Variants in ZFHX3 observed in about 807,000 individuals in gnomAD.
ZFHX3 encodes zinc finger homeobox 3.
In ZFHX3, 42 loss-of-function variants were observed where a neutral mutation model predicts 279.1. That is an observed-to-expected ratio of 0.15 (90% CI 0.12 to 0.19). The LOEUF is 0.19. Ranked by LOEUF, ZFHX3 falls within the 10% of genes least tolerant of loss-of-function variation. The pLI, the probability that ZFHX3 is intolerant of heterozygous loss-of-function variation, is 1.00. For synonymous variants in ZFHX3, 2,293 were observed against 1,957.8 expected (o/e 1.17, Z -4.52); for missense variants, 4,981 against 4,754.0 (o/e 1.05, Z -1.40).
intron 2 of ZFHX3, among the ~76,000 whole-genome samples, chr16:73,606,274 G>A (rs1167329147): frequency 1.3e-5 from 2 of 150,332 alleles, no homozygotes; most frequent in East Asian, 2.0e-4. Flanking sequence ...TTAGGAGGCC[G>A]AGGTGGGCAG....
At chr16:73,253,591 A>G (rs1473929045) in intron 5 of ZFHX3, among the ~76,000 whole-genome samples, 1 of 149,916 alleles carries the variant, frequency 6.7e-6, no homozygotes, top group African/African-American at 2.5e-5. Context: ...AGCAGGGACT[A>G]CAGGCGCCTG....
chr16:73,784,016 G>T (rs748674786), intron 1 of ZFHX3, among the ~76,000 whole-genome samples: 6 of 152,094 alleles, frequency 3.9e-5, no homozygotes, highest in Non-Finnish European at 7.3e-5. Flanking sequence ...AGCAAGAAAG[G>T]ATGTTCTCTA....
Position 73,524,407 on chromosome 16 carries a change from A to T in ZFHX3, c.-1546-68149T>A, listed in dbSNP as rs115213608. On this transcript the variant is annotated intron_variant, in intron 2 of 17. Coordinates refer to the ZFHX3 transcript ENST00000641206. ...GGAGGCATCGTAAAACATCAACTGA[A>T]GTCTTGCGGCCTTTCCATGACAACA... Among the ~76,000 whole-genome samples the T allele has an allele frequency of 7.0e-3, 1,067 of 152,280 alleles. 13 individuals are homozygous for T. Among genetic ancestry groups the T allele is most frequent in the African/African-American group, 0.024 (1,014 of 41,548 alleles).
chr16:72,958,245 C>G lies in ZFHX3; in HGVS notation c.1901G>C (p.Cys634Ser). The change falls in exon 2 of 10, where the codon TGC (cysteine) becomes TCC (serine). Residue 634 changes from cysteine (C) to serine (S), a missense_variant. Cys to Ser is a moderately radical substitution (Grantham distance 112, BLOSUM62 -1). Around this residue, in one of 7 missense-constraint regions of ZFHX3, gnomAD observed 1,068 missense variants for 935.2 expected, o/e 1.14. Coordinates refer to ENST00000268489, the MANE Select transcript of ZFHX3 (RefSeq NM_006885.4). ...GCACTCCACGCCACTCCCCGAGGGG[C>G]ACTCCCCAACCCCAAGCTCGCAGAG... The part of the protein sequence containing the change: ...GSLCELGVGE[C>S]PSGSGVECPK... The G allele has an allele frequency of 1.2e-6, 2 of 1,613,178 alleles. No individual in the cohort carries two copies. The highest frequency in any genetic ancestry group is 1.7e-6 in the Non-Finnish European group (2 of 1,179,166).
Position 72,795,577 on chromosome 16 carries a change from T to C in ZFHX3, c.7105A>G (p.Met2369Val), listed in dbSNP as rs1311505706. 6 of 1,613,988 alleles carry C rather than the reference T, an allele frequency of 3.7e-6. No individual in the cohort carries two copies. The highest frequency in any genetic ancestry group is 1.3e-5 in the African/African-American group (1 of 74,898). The change falls in exon 9 of 10, where the codon ATG (methionine) becomes GTG (valine). Residue 2369 changes from methionine (M) to valine (V), a missense_variant. Around this residue, in one of 7 missense-constraint regions of ZFHX3, gnomAD observed 744 missense variants for 701.3 expected, o/e 1.06. Coordinates refer to ENST00000268489, the MANE Select transcript of ZFHX3 (RefSeq NM_006885.4). ...GQDDSQNEDS[M>V]DAMEILTPTS... ...GGCGTCAGGATTTCCATGGCATCCA[T>C]GGAATCCTCATTTTGGCTGTCGTCC...
At chr16:73,679,369 T>C (rs977445924) in intron 2 of ZFHX3, 4 of 152,174 alleles carry the variant, frequency 2.6e-5, no homozygotes, top group African/African-American at 9.7e-5. Flanking sequence ...GAAAGATGTT[T>C]TTGCTAGACA....
chr16:72,995,537 C>T lies in ZFHX3; in HGVS notation c.-49-35343G>A, dbSNP rs188504008. 3.9e-5 allele frequency among the ~76,000 whole-genome samples: 6 copies of T among 152,312 alleles called. No individual in the cohort carries two copies. In the East Asian group the frequency reaches 5.8e-4, roughly 15 times the overall value. On this transcript the variant is annotated intron_variant, in intron 1 of 9. Coordinates refer to ENST00000268489, the MANE Select transcript of ZFHX3 (RefSeq NM_006885.4). ...CCTCCGATCACAACTACAACTACAG[C>T]GGTCATATTGCTCTCCCCAAGACCA...
intron 3 of ZFHX3, among the ~76,000 whole-genome samples, 177 bp downstream of exon 3, chr16:72,950,292 T>A (rs1215567739): frequency 1.3e-5 from 2 of 152,092 alleles, no homozygotes; most frequent in African/African-American, 4.8e-5. Flanking sequence ...CTGTCACGTT[T>A]CCACCTGGTG....
At chr16:73,819,129 A>G (rs976348474) in intron 1 of ZFHX3, among the ~76,000 whole-genome samples, 3 of 152,030 alleles carry the variant, frequency 2.0e-5, no homozygotes, top group Admixed American at 1.3e-4. Flanking sequence ...TCAATTACCA[A>G]TGGCATAGCA....
chr16:73,419,923 T>C (rs923790056), intron 3 of ZFHX3, among the ~76,000 whole-genome samples: 2 of 150,688 alleles, frequency 1.3e-5, no homozygotes, highest in Middle Eastern at 6.8e-3. Flanking sequence ...TTTTTTTTTC[T>C]GGAGACAGGG....
At chr16:73,843,944 C>A (rs1347739132) in intron 1 of ZFHX3, among the ~76,000 whole-genome samples, 2 of 152,152 alleles carry the variant, frequency 1.3e-5, no homozygotes, top group Non-Finnish European at 2.9e-5. Context: ...ACAAAATATT[C>A]TTTCAATTCT....
chr16:73,456,242 C>T (rs917886170), exon 3 of ZFHX3: 5 of 152,254 alleles, frequency 3.3e-5, no homozygotes, highest in African/African-American at 1.2e-4. Flanking sequence ...TATACTTGTT[C>T]CTTGTTCTCC....
chr16:73,539,600 A>G (rs1477065414), intron 2 of ZFHX3, among the ~76,000 whole-genome samples: 1 of 152,068 alleles, frequency 6.6e-6, no homozygotes, highest in East Asian at 1.9e-4. Context: ...ATATCAAAAG[A>G]GGGAACTTTT....
At chr16:73,588,531 A>T (rs545293793) in intron 2 of ZFHX3, among the ~76,000 whole-genome samples, 165 of 151,588 alleles carry the variant, frequency 1.1e-3, no homozygotes, top group African/African-American at 3.6e-3. Flanking sequence ...CTAAAAATAT[A>T]AAAAAAATAT....
At chr16:72,805,701 G>A (rs995487846) in intron 7 of ZFHX3, among the ~76,000 whole-genome samples, 3 of 152,220 alleles carry the variant, frequency 2.0e-5, no homozygotes, top group African/African-American at 7.2e-5. Context: ...TACCTAGACA[G>A]CCACTGGGGC....
At chr16:73,722,716 A>G (rs2053485278) in intron 1 of ZFHX3, among the ~76,000 whole-genome samples, 1 of 152,190 alleles carries the variant, frequency 6.6e-6, no homozygotes, top group South Asian at 2.1e-4. Context: ...CTCCAATGAT[A>G]TGGGTAAGAA....
chr16:72,968,266 A>T (rs1254939646), intron 1 of ZFHX3, among the ~76,000 whole-genome samples: 3 of 152,170 alleles, frequency 2.0e-5, no homozygotes. Flanking sequence ...GCTTTTTAGA[A>T]ATGTCAGGGC....
intron 2 of ZFHX3, among the ~76,000 whole-genome samples, chr16:73,486,071 G>A (rs74028675): frequency 0.012 from 1,833 of 152,308 alleles, 29 homozygotes; most frequent in African/African-American, 0.04. Flanking sequence ...TGATTATTCA[G>A]AAGCTTAATT....
rs760728627 is a variant in ZFHX3, at chr16:72,795,163, G to T, written c.7519C>A (p.Leu2507Met). ...GATGTGTGGAGGGGCTTGAGGGGCA[G>T]GTGGGAGAGCTGGGAAGGACTGGGG... Reference protein sequence around the residue: ...SSPSPSQLSHLPLKPLHTSTP... With the variant: ...SSPSPSQLSHMPLKPLHTSTP... Residue 2507 changes from leucine to methionine, a missense_variant, in exon 9 of 10, where the codon CTG becomes ATG. Physicochemically the swap from Leu to Met is conservative, Grantham distance 15. Coordinates refer to ENST00000268489, the MANE Select transcript of ZFHX3 (RefSeq NM_006885.4). The T allele has an allele frequency of 1.3e-5, 21 of 1,611,930 alleles. 1 individual carries two copies. The South Asian group carries it at 2.2e-4, about 17-fold the overall frequency.
Sources: gnomAD v4.1 joint callset for allele counts (sites outside exome capture counted in the v4.1 genomes callset) on GRCh38, gnomAD v4.1.1 for gene constraint, gnomAD v4.1.1 regional missense constraint, MANE v1.5 for transcripts, NCBI Gene and HGNC (gene_info 2026-07-23, HGNC 2026-07-21) for gene names.